CLYBL: variants seen among roughly 807,000 people sequenced by gnomAD.
CLYBL encodes the protein citramalyl-CoA lyase, also known as citramalyl-CoA lyase, mitochondrial.
In CLYBL, 31 loss-of-function variants were observed where a neutral mutation model predicts 38.9. That is an observed-to-expected ratio of 0.80 (90% CI 0.60 to 1.08). The LOEUF (loss-of-function observed/expected upper bound fraction) is 1.08, where lower values mean the gene tolerates loss of function less well. CLYBL is among the 50% of genes least tolerant of loss of function. CLYBL has a pLI of 0.00. For synonymous variants in CLYBL, 171 were observed against 158.6 expected (o/e 1.08, Z -0.59); for missense variants, 434 against 411.6 (o/e 1.05, Z -0.47).
rs182865637 is a variant in CLYBL at position 99,766,446 on chromosome 13, A to G, written c.63-6378A>G. 3.3e-5 allele frequency among the ~76,000 whole-genome samples: 5 copies of G among 152,270 alleles called. No individual in the cohort carries two copies. In the East Asian group the frequency reaches 9.6e-4, roughly 29 times the overall value. On this transcript the variant is annotated intron_variant, in intron 1 of 8. Transcript: ENST00000339105. ...GCTTTTCTGTGGTATCTTAAAGATC[A>G]CTGAGTTTCCTTAGAACTTCTATTC... is the stretch of plus-strand genomic sequence containing the variant.
At chr13:99,644,224 T>C (rs956842729) in intron 1 of CLYBL, among the ~76,000 whole-genome samples, 3 of 152,040 alleles carry the variant, frequency 2.0e-5, no homozygotes, top group Admixed American at 2.0e-4. Context: ...GTGGTGTATG[T>C]ATATGTGGTG....
intron 1 of CLYBL, among the ~76,000 whole-genome samples, chr13:99,682,434 G>A (rs143223033): frequency 5.0e-4 from 76 of 151,932 alleles, no homozygotes; most frequent in African/African-American, 1.7e-3. Flanking sequence ...GAGCCACCGC[G>A]CCCAGCCAGG....
chr13:99,655,033 A>AG (rs1191939905), intron 1 of CLYBL, among the ~76,000 whole-genome samples: 4 of 151,780 alleles, frequency 2.6e-5, no homozygotes, highest in African/African-American at 9.7e-5. Flanking sequence ...ACCAGGCCTA[A>AG]GAACCCATGG....
intron 1 of CLYBL, among the ~76,000 whole-genome samples, chr13:99,701,799 C>G (rs1219320291): frequency 6.6e-6 from 1 of 152,108 alleles, no homozygotes; most frequent in Non-Finnish European, 1.5e-5. Context: ...CTCAGCTTCC[C>G]GAATAGCTGG....
rs376232225 is a variant in CLYBL, at chr13:99,729,067, C to G, written c.63-43757C>G. ...AGAAAGCAGAATGGCCAGGGCCATCCAATTGTCTCCTTCCCAGAGATCAGG... is the reference window on the plus strand; with the variant it reads ...AGAAAGCAGAATGGCCAGGGCCATCGAATTGTCTCCTTCCCAGAGATCAGG... On this transcript the variant is annotated intron_variant, in intron 1 of 8. Coordinates refer to ENST00000339105, the MANE Select transcript of CLYBL (RefSeq NM_206808.5). Among the ~76,000 whole-genome samples, 3 of 152,320 alleles carry G rather than the reference C, an allele frequency of 2.0e-5. 1 individual carries two copies. The South Asian group carries it at 6.2e-4, about 32-fold the overall frequency.
intron 2 of CLYBL, among the ~76,000 whole-genome samples, chr13:99,852,110 T>G (rs1741708566): frequency 6.6e-6 from 1 of 152,184 alleles, no homozygotes; most frequent in Non-Finnish European, 1.5e-5. Flanking sequence ...ATGGTTCCAT[T>G]TATACATTCC....
At chr13:99,617,022 T>G (rs1215073415) in intron 1 of CLYBL, among the ~76,000 whole-genome samples, 2 of 152,036 alleles carry the variant, frequency 1.3e-5, no homozygotes, top group Non-Finnish European at 2.9e-5. Flanking sequence ...GAAAGTAAGG[T>G]TTCTATTTTA....
At chr13:99,696,842 AAAAGATGAAAAG>A (rs1475853006) in intron 1 of CLYBL, among the ~76,000 whole-genome samples, 2 of 152,190 alleles carry the variant, frequency 1.3e-5, no homozygotes, top group African/African-American at 4.8e-5. Flanking sequence ...TTTAAAAAGA[AAAAGATGAAAAG>A]AAAGATGAGA....
chr13:99,805,993 C>T (rs553964620), intron 2 of CLYBL, among the ~76,000 whole-genome samples: 1 of 152,100 alleles, frequency 6.6e-6, no homozygotes, highest in East Asian at 1.9e-4. Context: ...TTAACTATTC[C>T]CCTACCATTG....
chr13:99,681,370 G>A (rs1053728983), intron 1 of CLYBL, among the ~76,000 whole-genome samples: 6 of 151,790 alleles, frequency 4.0e-5, no homozygotes, highest in Non-Finnish European at 5.9e-5. Flanking sequence ...GATGGTTCAC[G>A]GAAAAAATAC....
At chr13:99,886,958 T>C (rs2152128587) in intron 7 of CLYBL, among the ~76,000 whole-genome samples, 1 of 152,304 alleles carries the variant, frequency 6.6e-6, no homozygotes, top group East Asian at 1.9e-4. Flanking sequence ...ACTTGATGGA[T>C]GAATGGATAA....
At chr13:99,723,671 A>C (rs1232985496) in intron 1 of CLYBL, among the ~76,000 whole-genome samples, 1 of 152,204 alleles carries the variant, frequency 6.6e-6, no homozygotes, top group Non-Finnish European at 1.5e-5. Flanking sequence ...GCACACGGGC[A>C]TCTTCAGTGC....
chr13:99,817,858 G>T, intron 2 of CLYBL, among the ~76,000 whole-genome samples: 1 of 151,950 alleles, frequency 6.6e-6, no homozygotes, highest in South Asian at 2.1e-4. Flanking sequence ...TTTAAAATTA[G>T]TCGGGCGTGG....
rs185186937 is a variant in CLYBL at position 99,872,293 on chromosome 13, A to G, written c.927+1231A>G. Among the ~76,000 whole-genome samples the G allele has an allele frequency of 2.0e-5, 3 of 152,344 alleles. No individual in the cohort carries two copies. The East Asian group carries it at 5.8e-4, about 29-fold the overall frequency. On this transcript the variant is annotated intron_variant, in intron 7 of 8. Coordinates refer to ENST00000339105, the MANE Select transcript of CLYBL (RefSeq NM_206808.5). ...CCCAATTTGGACTTACACCAATTTC[A>G]TGATAAATAGCATCTTTCCATTTCC... is the stretch of plus-strand genomic sequence containing the variant.
chr13:99,646,603 T>C (rs2047180393), intron 1 of CLYBL, among the ~76,000 whole-genome samples: 1 of 147,526 alleles, frequency 6.8e-6, no homozygotes, highest in Admixed American at 7.0e-5. Flanking sequence ...AACCTCTGCC[T>C]CTTGGGTTCA....
chr13:99,892,611 G>A (rs756447123), downstream of CLYBL: 1 of 152,648 alleles, frequency 6.6e-6, no homozygotes, highest in South Asian at 2.1e-4. Flanking sequence ...AGAATGGGAA[G>A]TTTTAAACTC....
chr13:99,624,078 G>A (rs1487968940), intron 1 of CLYBL, among the ~76,000 whole-genome samples: 2 of 141,864 alleles, frequency 1.4e-5, no homozygotes, highest in African/African-American at 4.9e-5. Context: ...GATACCTAAA[G>A]GCCATGTCTT....
At chr13:99,610,609 A>G (rs1337794694) in intron 1 of CLYBL, among the ~76,000 whole-genome samples, 1 of 152,186 alleles carries the variant, frequency 6.6e-6, no homozygotes, top group Non-Finnish European at 1.5e-5. Context: ...GTCTTTGCTG[A>G]GGGACTCTGT....
At chr13:99,771,020 C>CTTTTTTTTTT (rs546998940) in intron 1 of CLYBL, among the ~76,000 whole-genome samples, 5 of 120,238 alleles carry the variant, frequency 4.2e-5, no homozygotes, top group African/African-American at 1.8e-4. Flanking sequence ...ACGCGGGGCC[C>CTTTTTTTTTT]TTTTTTTTTT....
Sources: allele counts gnomAD v4.1 joint callset (sites outside exome capture counted in the v4.1 genomes callset), GRCh38; gene constraint gnomAD v4.1.1; transcripts MANE v1.5; gene names NCBI Gene and HGNC (gene_info 2026-07-23, HGNC 2026-07-21).